Variants in MAGI1 observed in about 807,000 individuals in gnomAD.
MAGI1 encodes membrane associated guanylate kinase, WW and PDZ domain containing 1, also known as membrane-associated guanylate kinase, WW and PDZ domain-containing protein 1.
Under a neutral mutation model 139.9 loss-of-function variants are expected in MAGI1, and 58 were observed. The ratio of observed to expected loss-of-function variants is 0.41; its 90% CI spans 0.34 to 0.52. MAGI1 has a LOEUF of 0.52. MAGI1 is among the 20% of genes least tolerant of loss of function. The pLI, the probability that MAGI1 is intolerant of heterozygous loss-of-function variation, is 0.12. For missense variants in MAGI1, 1,874 were observed against 1,901.6 expected, an observed-to-expected ratio of 0.99 and a Z score of 0.27; for synonymous variants, 812 against 737.9, an observed-to-expected ratio of 1.10 and a Z score of -1.63.
At chr3:65,793,974 G>A (rs1410685361) in intron 1 of MAGI1, among the ~76,000 whole-genome samples, 4 of 152,186 alleles carry the variant, frequency 2.6e-5, no homozygotes, top group Admixed American at 2.0e-4. Flanking sequence ...CTGTAAACCT[G>A]CTGTCTTTAT....
intron 1 of MAGI1, among the ~76,000 whole-genome samples, chr3:65,777,167 A>G (rs1000722671): frequency 1.3e-5 from 2 of 152,220 alleles, no homozygotes; most frequent in African/African-American, 4.8e-5. Context: ...ATATTTATTA[A>G]GGGAAATATT....
At chr3:65,672,415 C>T (rs1012514327) in intron 1 of MAGI1, among the ~76,000 whole-genome samples, 1 of 152,098 alleles carries the variant, frequency 6.6e-6, no homozygotes, top group Non-Finnish European at 1.5e-5. Flanking sequence ...GACAAAGAAG[C>T]CATTTTTAAA....
intron 2 of MAGI1, among the ~76,000 whole-genome samples, chr3:65,594,975 C>G (rs1357699823): frequency 6.6e-6 from 1 of 152,246 alleles, no homozygotes; most frequent in Admixed American, 6.5e-5. Context: ...ATTAAACAGG[C>G]AGTTTCAGTC....
At chr3:65,712,880 T>C (rs1034562835) in intron 1 of MAGI1, among the ~76,000 whole-genome samples, 2 of 152,184 alleles carry the variant, frequency 1.3e-5, no homozygotes, top group African/African-American at 4.8e-5. Flanking sequence ...TTCTAGGAAT[T>C]TTCTACAAAT....
intron 1 of MAGI1, among the ~76,000 whole-genome samples, chr3:65,817,132 C>T (rs1237903921): frequency 6.6e-6 from 1 of 152,118 alleles, no homozygotes; most frequent in Non-Finnish European, 1.5e-5. Context: ...GTGTACCGAG[C>T]TATTATACAT....
rs1266313997 is a variant in MAGI1 at position 65,379,443 on chromosome 3, A to C, written c.2813T>G (p.Leu938Arg). The C allele has an allele frequency of 6.2e-7, 1 of 1,613,830 alleles. No homozygotes were observed. The highest frequency in any genetic ancestry group is 1.3e-5 in the African/African-American group (1 of 74,932). ...KRTPQGSQNSLNTVSSGSGST... is the reference protein window; with the variant it reads ...KRTPQGSQNSRNTVSSGSGST... ...GCCGCTGCCCGAGCTCACCGTGTTC[A>C]GCGAGTTCTGGCTGCCCTGCGGAGT... Residue 938 changes from leucine (L) to arginine (R), a missense_variant, in exon 17 of 23, where the codon CTG (leucine) becomes CGG (arginine). By Grantham distance (102) the Leu-to-Arg change is moderately radical (BLOSUM62 -2). Transcript: ENST00000402939.
At chr3:65,671,829 C>T (rs1177519534) in intron 1 of MAGI1, among the ~76,000 whole-genome samples, 1 of 152,150 alleles carries the variant, frequency 6.6e-6, no homozygotes, top group African/African-American at 2.4e-5. Flanking sequence ...CTTCTATTCA[C>T]ACTGCACAGA....
chr3:65,805,455 T>G (rs2040793131), intron 1 of MAGI1, among the ~76,000 whole-genome samples: 1 of 152,194 alleles, frequency 6.6e-6, no homozygotes, highest in Admixed American at 6.5e-5. Context: ...CTGGCGAGGC[T>G]GTGGAGAAAC....
At position 66,018,112 on chromosome 3, in the gene MAGI1, G is replaced by A. The variant is rs771715387; in HGVS notation, c.313+19884C>T. On this transcript the variant is annotated intron_variant, in intron 1 of 22. Coordinates refer to ENST00000402939, the MANE Select transcript of MAGI1 (RefSeq NM_001033057.2). ...GACAAAGATAAGGAAGGACACTTTG[G>A]TGGGGGGGGGGGGTGTCTGCACATG... Among the ~76,000 whole-genome samples the A allele has an allele frequency of 1.4e-3, 167 of 121,842 alleles. 1 individual carries two copies. Among genetic ancestry groups the A allele is most frequent in the Non-Finnish European group, 2.2e-3 (126 of 56,294 alleles). 79.9% of individuals were successfully genotyped at this position (121,842 alleles called of 152,430 possible).
intron 1 of MAGI1, among the ~76,000 whole-genome samples, chr3:65,819,595 G>C (rs1305388369): frequency 1.3e-5 from 2 of 151,892 alleles, no homozygotes; most frequent in African/African-American, 4.8e-5. Flanking sequence ...AAGTAAGGTT[G>C]AGGCTGGGCA....
intron 1 of MAGI1, among the ~76,000 whole-genome samples, chr3:65,839,962 C>G (rs7635883): frequency 0.59 from 89,104 of 151,958 alleles, 26,670 homozygotes; most frequent in East Asian, 0.94. Context: ...ATAGTTGTCA[C>G]CATACTAAAT....
chr3:65,517,207 T>G (rs899853071), intron 2 of MAGI1, among the ~76,000 whole-genome samples: 7 of 152,286 alleles, frequency 4.6e-5, no homozygotes, highest in African/African-American at 1.7e-4. Context: ...GCACTTGCTA[T>G]TACTCCTCCC....
chr3:65,716,042 A>G (rs2032195769), intron 1 of MAGI1, among the ~76,000 whole-genome samples: 2 of 152,358 alleles, frequency 1.3e-5, no homozygotes, highest in African/African-American at 2.4e-5. Context: ...AAGGCCTGTG[A>G]AAACAAACAA....
chr3:65,720,848 C>G (rs1434021773), intron 1 of MAGI1, among the ~76,000 whole-genome samples: 1 of 152,078 alleles, frequency 6.6e-6, no homozygotes, highest in African/African-American at 2.4e-5. Context: ...CTCCCAGGTT[C>G]AAGAGAACCT....
chr3:65,755,845 C>T (rs564504530), intron 1 of MAGI1, among the ~76,000 whole-genome samples: 1 of 152,306 alleles, frequency 6.6e-6, no homozygotes, highest in South Asian at 2.1e-4. Context: ...TTTAAGAAAA[C>T]TGTTACCCTG....
intron 1 of MAGI1, among the ~76,000 whole-genome samples, chr3:65,752,648 C>T (rs183667810): frequency 1.1e-3 from 175 of 152,262 alleles, no homozygotes; most frequent in Middle Eastern, 3.4e-3. Context: ...TTCACAAAGA[C>T]TCTCTACTTG....
In MAGI1 at chr3:66,032,391, T is replaced by TG. The variant is rs1485451622; in HGVS notation, c.313+5604_313+5605insC. ...ACGCCCGGCTAATTTTTTTGTTTTT[T>TG]TTTTTTTTTTAGTAGAGACAGGGTT... On this transcript the variant is annotated intron_variant, in intron 1 of 22. Transcript: ENST00000402939. 2.6e-3 allele frequency among the ~76,000 whole-genome samples: 388 copies of TG among 147,954 alleles called. 2 individuals are homozygous for TG. Among genetic ancestry groups the TG allele is most frequent in the African/African-American group, 9.3e-3 (376 of 40,560 alleles).
chr3:65,792,117 A>G (rs2039817984), intron 1 of MAGI1, among the ~76,000 whole-genome samples: 1 of 152,236 alleles, frequency 6.6e-6, no homozygotes, highest in Non-Finnish European at 1.5e-5. Context: ...GCTAATCATA[A>G]TATAGCTATT....
intron 1 of MAGI1, among the ~76,000 whole-genome samples, chr3:65,668,722 T>G (rs1027784584): frequency 9.3e-5 from 14 of 151,058 alleles, no homozygotes; most frequent in Non-Finnish European, 1.9e-4. Context: ...GTGCTGTAAT[T>G]TTTGTACTTT....
Sources: gnomAD v4.1 joint callset for allele counts (sites outside exome capture counted in the v4.1 genomes callset) on GRCh38, gnomAD v4.1.1 for gene constraint, MANE v1.5 for transcripts, NCBI Gene and HGNC (gene_info 2026-07-23, HGNC 2026-07-21) for gene names.